Variants in FAM107B observed in about 807,000 individuals in gnomAD.
FAM107B encodes family with sequence similarity 107 member B, also known as protein FAM107B.
In FAM107B, 21 loss-of-function variants were observed where a neutral mutation model predicts 31.5. The observed-to-expected ratio is 0.67, with a 90% CI of 0.47 to 0.96. The LOEUF (loss-of-function observed/expected upper bound fraction) is 0.96. Ranked by LOEUF, FAM107B falls within the 40% of genes least tolerant of loss-of-function variation. The pLI is 0.00. For synonymous variants in FAM107B, 157 were observed against 141.5 expected (o/e 1.11, Z -0.78); for missense variants, 452 against 377.1 (o/e 1.20, Z -1.64).
At chr10:14,678,093 C>G (rs1053201034) in intron 1 of FAM107B, among the ~76,000 whole-genome samples, 3 of 152,200 alleles carry the variant, frequency 2.0e-5, no homozygotes, top group Non-Finnish European at 2.9e-5. Flanking sequence ...AGTGCTGGAA[C>G]CTGACGACAA....
intron 2 of FAM107B, among the ~76,000 whole-genome samples, chr10:14,575,075 T>C (rs914429429): frequency 2.6e-5 from 4 of 152,154 alleles, no homozygotes; most frequent in African/African-American, 9.7e-5. Flanking sequence ...TCTGTATGAG[T>C]CAATAATAAG....
Position 14,582,539 on chromosome 10 carries a change from G to A in FAM107B, c.470-52024C>T, listed in dbSNP as rs567503230. Among the ~76,000 whole-genome samples the A allele has an allele frequency of 3.7e-4, 56 of 151,114 alleles. 1 individual carries two copies. Among genetic ancestry groups the A allele is most frequent in the Admixed American group, 3.5e-3 (53 of 15,166 alleles). On this transcript the variant is annotated intron_variant, in intron 2 of 4. Coordinates refer to ENST00000181796, the MANE Select transcript of FAM107B (RefSeq NM_031453.4). ...CTAACAGGCGCCTGCCACCACACCC[G>A]GCTAATTTTTTGTATTTTTAGTAGA...
intron 2 of FAM107B, among the ~76,000 whole-genome samples, chr10:14,556,609 A>G (rs1207307558): frequency 6.6e-6 from 1 of 152,260 alleles, no homozygotes; most frequent in Non-Finnish European, 1.5e-5. Context: ...CATCTAGGCC[A>G]CAAGCCACAC....
intron 2 of FAM107B, chr10:14,556,467 T>A: frequency 3.1e-6 from 3 of 961,642 alleles, no homozygotes; most frequent in Non-Finnish European, 3.7e-6. Flanking sequence ...GGCCACAATA[T>A]TCATATTTGT....
At chr10:14,719,798 C>T (rs142005156) in intron 1 of FAM107B, among the ~76,000 whole-genome samples, 49 of 142,110 alleles carry the variant, frequency 3.4e-4, no homozygotes, top group African/African-American at 1.0e-3. Context: ...CTCTGTCTTC[C>T]GTCCCTCTCA....
rs1347158018 is a variant in FAM107B at position 14,683,667 on chromosome 10, G to A, written c.412-15976C>T. 1.3e-5 allele frequency among the ~76,000 whole-genome samples: 2 copies of A among 152,154 alleles called. 1 individual carries two copies. Among genetic ancestry groups the A allele is most frequent in the South Asian group, 4.1e-4 (2 of 4,830 alleles). Reference sequence around the variant, plus strand: ...CATTAGAAATATCATATGGAGATAGGGTTACAGATCATGAGTGAGTACCAA... The same window carrying A: ...CATTAGAAATATCATATGGAGATAGAGTTACAGATCATGAGTGAGTACCAA... On this transcript the variant is annotated intron_variant, in intron 1 of 4. Transcript: ENST00000181796.
chr10:14,604,368 G>C lies in FAM107B; in HGVS notation c.469+63266C>G, dbSNP rs202099891. On this transcript the variant is annotated intron_variant, in intron 2 of 4. Transcript: ENST00000181796. ...AGGGCGGCTCCGGGGGCGGCGGCCCGGCCCGCAAGCCAGTCCGGCGCAGGG... is the reference window on the plus strand; with the variant it reads ...AGGGCGGCTCCGGGGGCGGCGGCCCCGCCCGCAAGCCAGTCCGGCGCAGGG... 7 of 482,328 alleles carry C rather than the reference G, an allele frequency of 1.5e-5. No homozygotes were observed. In the South Asian group the frequency reaches 4.2e-4, roughly 29 times the overall value. The allele number at this position is 482,328 out of a possible 1,614,324, so 29.9% of individuals were successfully genotyped here. A position where few individuals can be genotyped will look rare whatever the true frequency, so the allele number is the denominator to read the frequency against.
intron 2 of FAM107B, among the ~76,000 whole-genome samples, chr10:14,646,640 G>A (rs1457796095): frequency 6.6e-6 from 1 of 152,176 alleles, no homozygotes; most frequent in African/African-American, 2.4e-5. Context: ...ACATATGAGT[G>A]CAAGGTGTTG....
chr10:14,744,835 T>C (rs941976579), intron 1 of FAM107B, among the ~76,000 whole-genome samples: 1 of 152,208 alleles, frequency 6.6e-6, no homozygotes, highest in Non-Finnish European at 1.5e-5. Flanking sequence ...TCAGGAGAAA[T>C]GGTACAGCTC....
rs189545301 is a variant in FAM107B, at chr10:14,590,135, T to G, written c.470-59620A>C. Among the ~76,000 whole-genome samples, 5 of 152,342 alleles carry G rather than the reference T, an allele frequency of 3.3e-5. No homozygotes were observed. In the East Asian group the frequency reaches 9.6e-4, roughly 29 times the overall value. ...AATTTAACACATCTAAGCGTTGGTT[T>G]ATTCACCAAAAATGAAGAATCTTGA... On this transcript the variant is annotated intron_variant, in intron 2 of 4. Coordinates refer to ENST00000181796, the MANE Select transcript of FAM107B (RefSeq NM_031453.4).
intron 1 of FAM107B, among the ~76,000 whole-genome samples, chr10:14,681,934 T>C (rs34854308): frequency 0.022 from 3,347 of 152,296 alleles, 52 homozygotes; most frequent in Non-Finnish European, 0.033. Context: ...TGAGAGTCAA[T>C]TGCGGGCACC....
chr10:14,569,595 A>G (rs1851017705), intron 2 of FAM107B, among the ~76,000 whole-genome samples: 1 of 152,204 alleles, frequency 6.6e-6, no homozygotes, highest in Non-Finnish European at 1.5e-5. Context: ...GTTCAGTGTA[A>G]CCTTCCTCTC....
intron 2 of FAM107B, among the ~76,000 whole-genome samples, chr10:14,559,118 CAAAAAAAAAA>C (rs1360563805): frequency 9.8e-5 from 11 of 112,306 alleles, no homozygotes; most frequent in African/African-American, 2.6e-4. Flanking sequence ...AAAAAAAAAA[CAAAAAAAAAA>C]CACCTGGTGT....
intron 1 of FAM107B, among the ~76,000 whole-genome samples, chr10:14,682,285 T>C (rs535019398): frequency 2.0e-5 from 3 of 152,244 alleles, no homozygotes; most frequent in South Asian, 4.2e-4. Context: ...TCCCAGAACT[T>C]TGGGAGGCCG....
chr10:14,759,181 A>AAAATAAATAAATAAAT (rs60547324), intron 1 of FAM107B, among the ~76,000 whole-genome samples: 157 of 144,882 alleles, frequency 1.1e-3, no homozygotes, highest in African/African-American at 3.5e-3. Flanking sequence ...TCTGTCTCAA[A>AAAATAAATAAATAAAT]AAATAAATAA....
chr10:14,728,390 T>TGTGGGTGGCC, intron 1 of FAM107B, among the ~76,000 whole-genome samples: 1 of 151,928 alleles, frequency 6.6e-6, no homozygotes, highest in Non-Finnish European at 1.5e-5. Context: ...ATTACTATTT[T>TGTGGGTGGCC]TGAAAATAAA....
At chr10:14,575,909 C>T (rs975475065) in intron 2 of FAM107B, among the ~76,000 whole-genome samples, 3 of 152,298 alleles carry the variant, frequency 2.0e-5, no homozygotes, top group Non-Finnish European at 4.4e-5. Flanking sequence ...CATTTTTCAG[C>T]CTTAAAAAGG....
At chr10:14,575,161 G>A (rs1203936136) in intron 2 of FAM107B, among the ~76,000 whole-genome samples, 1 of 151,932 alleles carries the variant, frequency 6.6e-6, no homozygotes, top group Non-Finnish European at 1.5e-5. Context: ...TAAGTAGCTT[G>A]TACTTCCCTG....
intron 1 of FAM107B, among the ~76,000 whole-genome samples, chr10:14,707,893 A>G (rs956445833): frequency 1.3e-5 from 2 of 152,182 alleles, no homozygotes; most frequent in African/African-American, 4.8e-5. Flanking sequence ...CACCAAGCTT[A>G]TGAGGGAAAA....
Sources: gnomAD v4.1 joint callset for allele counts (sites outside exome capture counted in the v4.1 genomes callset) on GRCh38, gnomAD v4.1.1 for gene constraint, MANE v1.5 for transcripts, NCBI Gene and HGNC (gene_info 2026-07-23, HGNC 2026-07-21) for gene names.